FBXO46: variants seen among roughly 807,000 people sequenced by gnomAD.
The protein encoded by FBXO46 is F-box protein 46.
In FBXO46, 13 loss-of-function variants were observed where a neutral mutation model predicts 30.7. The observed-to-expected ratio is 0.42, with a 90% CI of 0.28 to 0.67. The LOEUF (loss-of-function observed/expected upper bound fraction) is 0.67, where lower values mean the gene tolerates loss of function less well. Among genes scored for constraint, FBXO46 ranks in the 30% least tolerant of loss-of-function variants. The probability of loss-of-function intolerance (pLI) is 0.21; values close to 1 mark genes in which losing one functional copy is unlikely to be tolerated. For missense variants in FBXO46, 754 were observed against 871.5 expected (o/e 0.87, Z 1.70); for synonymous variants, 467 against 385.8 (o/e 1.21, Z -2.47).
intron 1 of FBXO46, among the ~76,000 whole-genome samples, chr19:45,726,561 T>C (rs1055880603): frequency 6.6e-6 from 1 of 151,878 alleles, no homozygotes; most frequent in Admixed American, 6.6e-5. Flanking sequence ...GGCAGGAGAA[T>C]TGCTTGAACC....
intron 1 of FBXO46, among the ~76,000 whole-genome samples, chr19:45,717,886 G>GA (rs1233874748): frequency 2.0e-5 from 3 of 152,176 alleles, no homozygotes; most frequent in Non-Finnish European, 1.5e-5. Flanking sequence ...CACGGCAACT[G>GA]AAAACAAGCC....
In FBXO46 at chr19:45,711,867, C is replaced by G; in HGVS notation, c.1629G>C (p.Ser543=). Reference sequence around the variant, plus strand: ...AGGGCTTGGGGTGCCAGCGGCAGAGCGACACGTCGCCCTTCTCGTATCTCT... The same window carrying G: ...AGGGCTTGGGGTGCCAGCGGCAGAGGGACACGTCGCCCTTCTCGTATCTCT... ...CRKRYEKGDV[S]LCRWHPKPYH... Residue 543 remains serine (S), a synonymous_variant, in exon 2 of 2, where the codon TCG becomes TCC. Coordinates refer to ENST00000317683, the MANE Select transcript of FBXO46 (RefSeq NM_001080469.2). 1 of 1,613,660 alleles carries G rather than the reference C, an allele frequency of 6.2e-7. No homozygotes were observed. Among genetic ancestry groups the G allele is most frequent in the South Asian group, 1.1e-5 (1 of 91,088 alleles).
At chr19:45,716,803 C>T (rs934283206) in intron 1 of FBXO46, 3 of 152,170 alleles carry the variant, frequency 2.0e-5, no homozygotes, top group African/African-American at 7.2e-5. Flanking sequence ...CTAACAATTC[C>T]TAATCCTCCT....
intron 1 of FBXO46, among the ~76,000 whole-genome samples, chr19:45,723,706 C>G (rs141386530): frequency 4.7e-4 from 72 of 152,230 alleles, no homozygotes; most frequent in Middle Eastern, 6.8e-3. Flanking sequence ...GTCACCCAGG[C>G]TAGAGTGCAG....
Position 45,711,709 on chromosome 19 carries a change from C to A in FBXO46, c.1787G>T (p.Arg596Leu), listed in dbSNP as rs1218480511. 1.3e-6 allele frequency: 2 copies of A among 1,532,194 alleles called. No individual in the cohort carries two copies. The highest frequency in any genetic ancestry group is 2.4e-5 in the South Asian group (2 of 84,074). 94.9% of individuals were successfully genotyped at this position (1,532,194 alleles called of 1,614,324 possible). ...VLPCNGPGGG[R>L]AGREEGR is the part of the protein sequence containing the mutation. ...TCACCTCCCCTCCTCCCGGCCGGCC[C>A]GGCCCCCGCCTGGCCCATTGCAGGG... Residue 596 changes from arginine (R) to leucine (L), a missense_variant, in exon 2 of 2, where the codon CGG becomes CTG. Coordinates refer to ENST00000317683, the MANE Select transcript of FBXO46 (RefSeq NM_001080469.2).
chr19:45,727,403 C>A (rs1968254071), intron 1 of FBXO46, among the ~76,000 whole-genome samples: 1 of 151,912 alleles, frequency 6.6e-6, no homozygotes, highest in Non-Finnish European at 1.5e-5. Context: ...ACTAAAAATA[C>A]AAAAATTAGC....
chr19:45,724,159 A>G (rs1463148058), intron 1 of FBXO46, among the ~76,000 whole-genome samples: 1 of 152,164 alleles, frequency 6.6e-6, no homozygotes, highest in African/African-American at 2.4e-5. Flanking sequence ...AAGACAAATA[A>G]ATGAAGGCAA....
At chr19:45,733,081 T>C (rs1359938246), upstream of FBXO46, among the ~76,000 whole-genome samples, 1 of 151,962 alleles carries the variant, frequency 6.6e-6, no homozygotes, top group Non-Finnish European at 1.5e-5. The surrounding 1 kb of genome is among the most constrained non-coding windows in gnomAD (Gnocchi z 5.7). Flanking sequence ...AAATGGGACA[T>C]CATAGGGCCA....
In FBXO46 at chr19:45,713,834, A is replaced by G. The variant is rs137945981; in HGVS notation, c.-78-261T>C. On this transcript the variant is annotated intron_variant, in intron 1 of 1. Coordinates refer to ENST00000317683, the MANE Select transcript of FBXO46 (RefSeq NM_001080469.2). The surrounding 1 kb of genome is among the most constrained non-coding windows in gnomAD (Gnocchi z 4.7). ...AATACAAAAATGTGCTGGGCGTGAT[A>G]GTCCACGCCTGTAATCCAAGCTACT... is the stretch of plus-strand genomic sequence containing the variant. 1.8e-3 allele frequency among the ~76,000 whole-genome samples: 274 copies of G among 152,078 alleles called. 2 individuals carry two copies. The highest frequency in any genetic ancestry group is 6.3e-3 in the African/African-American group (261 of 41,500).
chr19:45,724,992 G>A (rs1339271021), intron 1 of FBXO46, among the ~76,000 whole-genome samples: 1 of 152,078 alleles, frequency 6.6e-6, no homozygotes, highest in Non-Finnish European at 1.5e-5. Flanking sequence ...GGGCATGGTG[G>A]CAAGCACCTG....
intron 1 of FBXO46, among the ~76,000 whole-genome samples, chr19:45,718,408 C>T (rs184484040): frequency 1.3e-5 from 2 of 152,140 alleles, no homozygotes; most frequent in East Asian, 3.9e-4. Context: ...CTCGACCACC[C>T]CTCCTCTAAG....
intron 1 of FBXO46, among the ~76,000 whole-genome samples, chr19:45,718,539 T>A (rs74916659): frequency 7.9e-5 from 12 of 152,116 alleles, no homozygotes; most frequent in Non-Finnish European, 1.8e-4. Flanking sequence ...GTCTCTGCAT[T>A]TGCTGTTCCC....
At chr19:45,726,290 G>T (rs1290186550) in intron 1 of FBXO46, among the ~76,000 whole-genome samples, 2 of 152,052 alleles carry the variant, frequency 1.3e-5, no homozygotes, top group African/African-American at 4.8e-5. Flanking sequence ...AGGCTGCAGT[G>T]AGCTGAGATC....
upstream of FBXO46, among the ~76,000 whole-genome samples, chr19:45,733,011 T>C (rs1968347527): frequency 6.6e-6 from 1 of 152,082 alleles, no homozygotes. The surrounding 1 kb of genome is among the most constrained non-coding windows in gnomAD (Gnocchi z 5.7). Context: ...TCCCACCATC[T>C]AGCCTGGTGC....
chr19:45,720,303 T>C (rs1015530201), intron 1 of FBXO46, among the ~76,000 whole-genome samples: 8 of 152,136 alleles, frequency 5.3e-5, no homozygotes, highest in African/African-American at 1.9e-4. Flanking sequence ...AGATAATTTT[T>C]TCATTTTTAG....
At chr19:45,723,808 C>T (rs535361110) in intron 1 of FBXO46, among the ~76,000 whole-genome samples, 33 of 152,020 alleles carry the variant, frequency 2.2e-4, no homozygotes, top group Non-Finnish European at 3.4e-4. Flanking sequence ...TACAGGCGTG[C>T]GCCACCACGC....
intron 1 of FBXO46, among the ~76,000 whole-genome samples, chr19:45,723,167 G>C (rs1252142906): frequency 6.6e-6 from 1 of 152,188 alleles, no homozygotes; most frequent in Non-Finnish European, 1.5e-5. Context: ...GAGCCTTGGA[G>C]ATCAAGACCA....
chr19:45,729,942 G>A (rs1600369186), intron 1 of FBXO46, among the ~76,000 whole-genome samples: 1 of 152,188 alleles, frequency 6.6e-6, no homozygotes, highest in Admixed American at 6.5e-5. Context: ...CACATTCCGG[G>A]GGCGGAGAAC....
Position 45,711,584 on chromosome 19 carries a change from G to C in FBXO46, c.*100C>G, listed in dbSNP as rs1967965300. ...TTCCGGTGAGGGATCAATGCTGCCT[G>C]GAGTAGGGGAATGGGCAGGCGGCCC... On this transcript the variant is annotated 3_prime_UTR_variant, in exon 2 of 2. Transcript: ENST00000317683. The C allele has an allele frequency of 3.3e-6, 3 of 914,878 alleles. No homozygotes were observed. The highest frequency in any genetic ancestry group is 5.2e-6 in the Non-Finnish European group (3 of 580,058). The allele number at this position is 914,878 out of a possible 1,614,324, so 56.7% of individuals were successfully genotyped here. A position where few individuals can be genotyped will look rare whatever the true frequency, so the allele number is the denominator to read the frequency against.
Sources: gnomAD v4.1 joint callset for allele counts (sites outside exome capture counted in the v4.1 genomes callset) on GRCh38, gnomAD v4.1.1 for gene constraint, Gnocchi (gnomAD v3.1) non-coding constraint, MANE v1.5 for transcripts, NCBI Gene and HGNC (gene_info 2026-07-23, HGNC 2026-07-21) for gene names.